HIVEP2: variants seen among roughly 807,000 people sequenced by gnomAD.
HIVEP2 encodes the protein transcription factor HIVEP2.
HIVEP2 carries 14 observed loss-of-function variants against 180.7 expected under a neutral mutation model. The ratio of observed to expected loss-of-function variants is 0.08; its 90% CI spans 0.05 to 0.12. The LOEUF is 0.12. Ranked by LOEUF, HIVEP2 falls within the 10% of genes least tolerant of loss-of-function variation. The pLI, the probability that HIVEP2 is intolerant of heterozygous loss-of-function variation, is 1.00. For missense variants in HIVEP2, 2,579 were observed against 3,008.5 expected (o/e 0.86, Z 3.34); for synonymous variants, 1,184 against 1,136.4 (o/e 1.04, Z -0.84).
intron 9 of HIVEP2, among the ~76,000 whole-genome samples, chr6:142,754,518 C>T (rs1200346858): frequency 6.6e-6 from 1 of 152,166 alleles, no homozygotes; most frequent in East Asian, 1.9e-4. Flanking sequence ...ATGTGTAAGA[C>T]ATTGGTCTAA....
In HIVEP2 at chr6:142,760,122, G is replaced by A; in HGVS notation, c.6166C>T (p.Arg2056Ter). The stretch of plus-strand genomic sequence containing the variant: ...AGATACCTCTTTGGTGAATTATCTC[G>A]ACAGGGTGAAGAATCATATCCTGGA... ...SSPGYDSSPC[R>*]DNSPKRYLIP... is the part of the protein sequence containing the mutation. The change falls in exon 9 of 10, where the codon CGA becomes TGA. Residue 2056 changes from arginine to a stop codon, truncating the protein, a stop_gained. Coordinates refer to ENST00000367603, the MANE Select transcript of HIVEP2 (RefSeq NM_006734.4). LOFTEE classifies it high-confidence loss of function. 1 of 1,614,094 alleles carries A rather than the reference G, an allele frequency of 6.2e-7. No individual in the cohort carries two copies.
At chr6:142,786,612 C>T (rs778009234) in intron 2 of HIVEP2, among the ~76,000 whole-genome samples, 1 of 152,254 alleles carries the variant, frequency 6.6e-6, no homozygotes, top group Non-Finnish European at 1.5e-5. Context: ...GAAAAAAAAT[C>T]CTTGGCATTA....
chr6:142,928,843 A>G (rs557641161), intron 1 of HIVEP2, among the ~76,000 whole-genome samples: 1 of 152,120 alleles, frequency 6.6e-6, no homozygotes, highest in Non-Finnish European at 1.5e-5. Context: ...AACTGCAACC[A>G]CTTCTTTACT....
chr6:142,903,357 T>C (rs1052849033), intron 1 of HIVEP2, among the ~76,000 whole-genome samples: 1 of 152,204 alleles, frequency 6.6e-6, no homozygotes, highest in Non-Finnish European at 1.5e-5. Context: ...GAAATAAACA[T>C]AGTACTTCAC....
chr6:142,813,211 C>A (rs898231888), intron 2 of HIVEP2, among the ~76,000 whole-genome samples: 2 of 151,948 alleles, frequency 1.3e-5, no homozygotes, highest in Non-Finnish European at 2.9e-5. Flanking sequence ...ATAATGAAAA[C>A]CCATAGGCAG....
chr6:142,933,415 T>C (rs1040140849), intron 1 of HIVEP2, among the ~76,000 whole-genome samples: 1 of 152,250 alleles, frequency 6.6e-6, no homozygotes, highest in African/African-American at 2.4e-5. Context: ...CTTAGTATAA[T>C]AATAGCAGGC....
At chr6:142,797,850 T>C (rs1230217494) in intron 2 of HIVEP2, among the ~76,000 whole-genome samples, 2 of 151,738 alleles carry the variant, frequency 1.3e-5, no homozygotes, top group Admixed American at 6.6e-5. Context: ...CCCTCTATGG[T>C]TTCAGGCATT....
intron 1 of HIVEP2, among the ~76,000 whole-genome samples, chr6:142,888,627 C>T (rs1349354681): frequency 6.6e-6 from 1 of 152,196 alleles, no homozygotes; most frequent in African/African-American, 2.4e-5. Context: ...ACATATTCAA[C>T]CTTTCCCTCA....
intron 1 of HIVEP2, among the ~76,000 whole-genome samples, chr6:142,846,274 A>AG (rs1775514300): frequency 6.6e-6 from 1 of 151,882 alleles, no homozygotes; most frequent in Non-Finnish European, 1.5e-5. Flanking sequence ...TTTCCTTTGA[A>AG]GAAAAAAAAA....
chr6:142,839,561 A>G (rs1198157035), intron 1 of HIVEP2, among the ~76,000 whole-genome samples: 1 of 152,136 alleles, frequency 6.6e-6, no homozygotes, highest in Non-Finnish European at 1.5e-5. Flanking sequence ...TTCGCATGTA[A>G]TAAATCAGAT....
intron 1 of HIVEP2, among the ~76,000 whole-genome samples, chr6:142,843,599 C>T (rs371026142): frequency 1.3e-5 from 2 of 152,142 alleles, no homozygotes; most frequent in African/African-American, 2.4e-5. Flanking sequence ...GAGAAAGCTA[C>T]GGTGAGCCTG....
At chr6:142,801,065 A>G (rs2114758719) in intron 2 of HIVEP2, among the ~76,000 whole-genome samples, 2 of 152,004 alleles carry the variant, frequency 1.3e-5, no homozygotes, top group Middle Eastern at 6.8e-3. Flanking sequence ...CAAGGAAAAG[A>G]GGCCAGGGTA....
chr6:142,886,605 G>A (rs1776704463), intron 1 of HIVEP2, among the ~76,000 whole-genome samples: 1 of 152,144 alleles, frequency 6.6e-6, no homozygotes, highest in Non-Finnish European at 1.5e-5. Context: ...CTTCCGACTT[G>A]CAACACCCTA....
chr6:142,928,400 G>A (rs1198493072), intron 1 of HIVEP2, among the ~76,000 whole-genome samples: 1 of 152,026 alleles, frequency 6.6e-6, no homozygotes, highest in Non-Finnish European at 1.5e-5. Context: ...GTTCATCCTC[G>A]GTTCTACTGC....
chr6:142,768,387 T>G lies in HIVEP2; in HGVS notation c.5337A>C (p.Glu1779Asp), dbSNP rs375438619. The G allele has an allele frequency of 1.2e-6, 2 of 1,610,572 alleles. No homozygotes were observed. The highest frequency in any genetic ancestry group is 1.7e-6 in the Non-Finnish European group (2 of 1,178,852). ...TTTGCACTTTGTTTCCTTACCCTCC[T>G]TCAAATATTTTAATTCGGATTGGCT... ...QTEPIRIKIFEGGYKSNEDYV... is the reference protein window; with the variant it reads ...QTEPIRIKIFDGGYKSNEDYV... The change falls in exon 6 of 10, where the codon GAA (glutamate) becomes GAC (aspartate). Residue 1779 changes from glutamate (E) to aspartate (D), a missense_variant. Around this residue, in one of 11 missense-constraint regions of HIVEP2, gnomAD observed 349 missense variants for 367.2 expected, o/e 0.95. Coordinates refer to ENST00000367603, the MANE Select transcript of HIVEP2 (RefSeq NM_006734.4).
At position 142,760,653 on chromosome 6, in the gene HIVEP2, A is replaced by T. The variant is rs756015467; in HGVS notation, c.5635T>A (p.Leu1879Met). 1 of 1,592,792 alleles carries T rather than the reference A, an allele frequency of 6.3e-7. No individual in the cohort carries two copies. ...CTATGCTTCTCTGCTGCTTTGTGCA[A>T]ATCTTCCAAATTTTCTGAAACAATT... is the stretch of plus-strand genomic sequence containing the variant. ...ETEEAENLED[L>M]HKAAEKHSMS... The change falls in exon 9 of 10, where the codon TTG (leucine) becomes ATG (methionine). Residue 1879 changes from leucine (L) to methionine (M), a missense_variant. Leu to Met is a conservative substitution (Grantham distance 15). Coordinates refer to ENST00000367603, the MANE Select transcript of HIVEP2 (RefSeq NM_006734.4).
chr6:142,773,986 T>C lies in HIVEP2; in HGVS notation c.753A>G (p.Thr251=). 6.2e-7 allele frequency: 1 copy of C among 1,614,242 alleles called. No individual in the cohort carries two copies. The highest frequency in any genetic ancestry group is 8.5e-7 in the Non-Finnish European group (1 of 1,180,028). ...GGTCCAATTTAGATACAGCTGACTC[T>C]GTGAAAGGTACTAATCCTGCCTTAA... ...HAIKAGLVPF[T]ESAVSKLDLE... is the part of the protein sequence containing the mutation. The change falls in exon 5 of 10, where the codon ACA becomes ACG. Residue 251 remains threonine (T), a synonymous_variant. Transcript: ENST00000367603.
At chr6:142,940,682 T>G (rs1388425450) in intron 1 of HIVEP2, among the ~76,000 whole-genome samples, 2 of 152,234 alleles carry the variant, frequency 1.3e-5, no homozygotes, top group Non-Finnish European at 2.9e-5. Flanking sequence ...ATACCCTGCG[T>G]GTCTAGCACA....
In HIVEP2 at chr6:142,773,940, C is replaced by A. The variant is rs766602462; in HGVS notation, c.799G>T (p.Val267Leu). The A allele has an allele frequency of 6.2e-7, 1 of 1,614,114 alleles. No homozygotes were observed. Among genetic ancestry groups the A allele is most frequent in the South Asian group, 1.1e-5 (1 of 91,086 alleles). ...KLDLEAGFID[V>L]EAEIHSDGEQ... ...CCATCTGAATGTATTTCTGCTTCTACATCAATAAAACCAGCCTCTAGGTCC... is the reference window on the plus strand; with the variant it reads ...CCATCTGAATGTATTTCTGCTTCTAAATCAATAAAACCAGCCTCTAGGTCC... Residue 267 changes from valine (V) to leucine (L), a missense_variant, in exon 5 of 10, where the codon GTA becomes TTA. Coordinates refer to ENST00000367603, the MANE Select transcript of HIVEP2 (RefSeq NM_006734.4).
Sources: gnomAD v4.1 joint callset for allele counts (sites outside exome capture counted in the v4.1 genomes callset) on GRCh38, gnomAD v4.1.1 for gene constraint, gnomAD v4.1.1 regional missense constraint, MANE v1.5 for transcripts, NCBI Gene and HGNC (gene_info 2026-07-23, HGNC 2026-07-21) for gene names.